PPARD: variants seen among roughly 807,000 people sequenced by gnomAD.
PPARD encodes peroxisome proliferator activated receptor delta.
In PPARD, 6 loss-of-function variants were observed where a neutral mutation model predicts 39.5. The observed-to-expected ratio is 0.15, with a 90% CI of 0.08 to 0.30. The LOEUF (loss-of-function observed/expected upper bound fraction) is 0.30. PPARD is among the 10% of genes least tolerant of loss of function. The probability of loss-of-function intolerance (pLI) is 1.00; values close to 1 mark genes in which losing one functional copy is unlikely to be tolerated. For synonymous variants in PPARD, 210 were observed against 231.3 expected, an observed-to-expected ratio of 0.91 and a Z score of 0.83; for missense variants, 397 against 596.8, an observed-to-expected ratio of 0.67 and a Z score of 3.49.
intron 3 of PPARD, among the ~76,000 whole-genome samples, chr6:35,416,392 A>C (rs1414293346): frequency 1.5e-4 from 23 of 149,162 alleles, no homozygotes; most frequent in African/African-American, 4.4e-4. Flanking sequence ...AAAAAAAAAA[A>C]AAAAAAAAAA....
chr6:35,356,993 A>G (rs1269593294), intron 2 of PPARD, among the ~76,000 whole-genome samples: 1 of 152,230 alleles, frequency 6.6e-6, no homozygotes, highest in Non-Finnish European at 1.5e-5. Context: ...ATGTCTGCAC[A>G]ACAGAGGAGA....
rs139791337 is a variant in PPARD at position 35,426,029 on chromosome 6, G to A, written c.1276G>A (p.Glu426Lys). Residue 426 changes from glutamate to lysine, a missense_variant, in exon 8 of 8, where the codon GAG becomes AAG. Physicochemically the swap from Glu to Lys is moderately conservative, Grantham distance 56. Transcript: ENST00000360694. ...GCAGCGGATCAAGAAGACCGAAACCGAGACCTCGCTGCACCCTCTGCTCCA... is the reference window on the plus strand; with the variant it reads ...GCAGCGGATCAAGAAGACCGAAACCAAGACCTCGCTGCACCCTCTGCTCCA... ...MMQRIKKTET[E>K]TSLHPLLQEI... 5.0e-6 allele frequency: 8 copies of A among 1,613,726 alleles called. No homozygotes were observed. The Admixed American group carries it at 5.0e-5, about 10-fold the overall frequency.
intron 2 of PPARD, among the ~76,000 whole-genome samples, chr6:35,356,864 C>G (rs981709854): frequency 6.6e-6 from 1 of 152,214 alleles, no homozygotes; most frequent in African/African-American, 2.4e-5. Flanking sequence ...GCATATTGTT[C>G]TTACATTAGA....
rs111927117 is a variant in PPARD at position 35,425,247 on chromosome 6, C to G, written c.1078+468C>G. 1 of 998,470 alleles carries G rather than the reference C, an allele frequency of 1.0e-6. No homozygotes were observed. Among genetic ancestry groups the G allele is most frequent in the African/African-American group, 1.7e-5 (1 of 57,380 alleles). 61.9% of individuals were successfully genotyped at this position (998,470 alleles called of 1,614,324 possible). A position where few individuals can be genotyped will look rare whatever the true frequency, so the allele number is the denominator to read the frequency against. ...CAAAATCCCACCACTGCACTCCAGCCTGGGTGACAGAGTGAGACCCTGTCT... is the reference window on the plus strand; with the variant it reads ...CAAAATCCCACCACTGCACTCCAGCGTGGGTGACAGAGTGAGACCCTGTCT... On this transcript the variant is annotated intron_variant, in intron 7 of 7. Transcript: ENST00000360694. The surrounding 1 kb of genome is among the most constrained non-coding windows in gnomAD (Gnocchi z 4.5).
At chr6:35,420,342 C>T (rs1455935742) in intron 4 of PPARD, 61 bp downstream of exon 4, 1 of 1,498,818 alleles carries the variant, frequency 6.7e-7, no homozygotes, top group African/African-American at 1.4e-5. Context: ...TGAATTGACC[C>T]TCCACAAAGC....
intron 2 of PPARD, among the ~76,000 whole-genome samples, chr6:35,399,822 GT>G (rs1764583866): frequency 1.3e-5 from 2 of 152,206 alleles, no homozygotes; most frequent in South Asian, 4.1e-4. Flanking sequence ...TTTCACTTAT[GT>G]TATTAAATAT....
intron 2 of PPARD, among the ~76,000 whole-genome samples, chr6:35,374,428 C>A (rs548999166): frequency 1.3e-5 from 2 of 151,832 alleles, no homozygotes; most frequent in Admixed American, 1.3e-4. Context: ...GAGGCCGAGG[C>A]GGGCGGATCA....
intron 4 of PPARD, 101 bp downstream of exon 4, chr6:35,420,382 G>A (rs1266959140): frequency 2.1e-6 from 3 of 1,422,818 alleles, no homozygotes; most frequent in South Asian, 2.9e-5. Flanking sequence ...GGCCCTGACT[G>A]TACCTATTGC....
intron 1 of PPARD, among the ~76,000 whole-genome samples, chr6:35,345,085 GCT>G: frequency 6.6e-6 from 1 of 152,276 alleles, no homozygotes; most frequent in Non-Finnish European, 1.5e-5. Flanking sequence ...CCTTAGTAGT[GCT>G]CTCTGCTGTG....
chr6:35,421,919 C>T lies in PPARD; in HGVS notation c.385C>T (p.Arg129Cys). ...KKNRNKCQYC[R>C]FQKCLALGMS... The stretch of plus-strand genomic sequence containing the variant: ...GAACCGCAACAAGTGCCAGTACTGC[C>T]GCTTCCAGAAGTGCCTGGCACTGGG... Residue 129 changes from arginine (R) to cysteine (C), a missense_variant, in exon 5 of 8, where the codon CGC becomes TGC. Coordinates refer to ENST00000360694, the MANE Select transcript of PPARD (RefSeq NM_006238.5). The T allele has an allele frequency of 1.9e-6, 3 of 1,613,890 alleles. No homozygotes were observed. Among genetic ancestry groups the T allele is most frequent in the Non-Finnish European group, 2.5e-6 (3 of 1,179,866 alleles).
intron 2 of PPARD, among the ~76,000 whole-genome samples, chr6:35,398,862 C>T (rs1204626223): frequency 2.6e-5 from 4 of 152,160 alleles, no homozygotes; most frequent in Admixed American, 6.5e-5. Flanking sequence ...GTCTGTAATC[C>T]CAGCACTTTG....
In PPARD at chr6:35,424,339, T is replaced by G; in HGVS notation, c.638T>G (p.Ile213Ser). 1 of 1,611,362 alleles carries G rather than the reference T, an allele frequency of 6.2e-7. No homozygotes were observed. Among genetic ancestry groups the G allele is most frequent in the Non-Finnish European group, 8.5e-7 (1 of 1,177,646 alleles). Residue 213 changes from isoleucine to serine, a missense_variant, in exon 7 of 8, where the codon ATC becomes AGC. Transcript: ENST00000360694. This position sits in a 1 kb window ranked among gnomAD's most constrained non-coding sequence, Gnocchi z 7.1. ...GGGCCTGGTTTTCAGCCCTTTGTGA[T>G]CCACGACATCGAGACATTGTGGCAG... ...GKASHTAPFV[I>S]HDIETLWQAE... is the part of the protein sequence containing the mutation.
intron 3 of PPARD, among the ~76,000 whole-genome samples, chr6:35,417,451 ATTT>A (rs1176557824): frequency 7.1e-6 from 1 of 140,034 alleles, no homozygotes; most frequent in African/African-American, 2.6e-5. Flanking sequence ...ACACCCAACT[ATTT>A]TTTTTTTTTT....
Position 35,424,062 on chromosome 6 carries a change from C to T in PPARD, c.541C>T (p.His181Tyr). Reference protein sequence around the residue: ...QVADLKAFSKHIYNAYLKNFN... With the variant: ...QVADLKAFSKYIYNAYLKNFN... ...GGCCGACCTGAAGGCCTTCTCCAAG[C>T]ACATCTACAATGCCTACCTGAAAAA... Residue 181 changes from histidine (H) to tyrosine (Y), a missense_variant, in exon 6 of 8, where the codon CAC (histidine) becomes TAC (tyrosine). His to Tyr is a moderately conservative substitution (Grantham distance 83). Transcript: ENST00000360694. The surrounding 1 kb of genome is among the most constrained non-coding windows in gnomAD (Gnocchi z 7.1). 2.5e-6 allele frequency: 4 copies of T among 1,614,162 alleles called. No homozygotes were observed. In the East Asian group the frequency reaches 6.7e-5, roughly 27 times the overall value.
rs1271399401 is a variant in PPARD at position 35,410,981 on chromosome 6, GC to G, written c.-101-3del. The G allele has an allele frequency of 7.8e-7, 1 of 1,279,746 alleles. No individual in the cohort carries two copies. The highest frequency in any genetic ancestry group is 1.0e-6 in the Non-Finnish European group (1 of 1,003,106). The allele number at this position is 1,279,746 out of a possible 1,614,324, so 79.3% of individuals were successfully genotyped here. A position where few individuals can be genotyped will look rare whatever the true frequency, so the allele number is the denominator to read the frequency against. Reference sequence around the variant, plus strand: ...CTGACCTCTTCCTGTCTTCTCCTCTGCCCAGGCTGATGGGAACCACCCTGTA... The same window carrying G: ...CTGACCTCTTCCTGTCTTCTCCTCTGCCAGGCTGATGGGAACCACCCTGTA... On this transcript the variant is annotated splice_region_variant and splice_polypyrimidine_tract_variant and intron_variant, in intron 2 of 7. Transcript: ENST00000360694.
rs577845790 is a variant in PPARD, at chr6:35,396,603, G to T, written c.-101-14384G>T. Among the ~76,000 whole-genome samples the T allele has an allele frequency of 1.6e-4, 24 of 150,862 alleles. No homozygotes were observed. In the South Asian group the frequency reaches 4.8e-3, roughly 30 times the overall value. On this transcript the variant is annotated intron_variant, in intron 2 of 7. Transcript: ENST00000360694. Reference sequence around the variant, plus strand: ...CCCAGCACTTTGGGAGGCCGAGGCGGGCAGATCATGAGGTCAGGAGACAGA... The same window carrying T: ...CCCAGCACTTTGGGAGGCCGAGGCGTGCAGATCATGAGGTCAGGAGACAGA...
intron 2 of PPARD, among the ~76,000 whole-genome samples, chr6:35,371,502 A>C (rs1055545256): frequency 2.6e-5 from 4 of 152,162 alleles, no homozygotes; most frequent in African/African-American, 9.7e-5. Context: ...AGCAGAGTCC[A>C]TCTTTGTCTC....
At chr6:35,351,314 T>C (rs939833006) in intron 2 of PPARD, among the ~76,000 whole-genome samples, 2 of 152,280 alleles carry the variant, frequency 1.3e-5, no homozygotes, top group African/African-American at 4.8e-5. Context: ...TGTGAGCCAC[T>C]GCGCCAGTCC....
chr6:35,425,267 C>A lies in PPARD; in HGVS notation c.1078+488C>A. The A allele has an allele frequency of 1.0e-6, 1 of 1,000,820 alleles. No homozygotes were observed. The highest frequency in any genetic ancestry group is 1.2e-6 in the Non-Finnish European group (1 of 837,474). 62.0% of individuals were successfully genotyped at this position (1,000,820 alleles called of 1,614,324 possible). ...CCAGCCTGGGTGACAGAGTGAGACC[C>A]TGTCTCAAAAAAAAGGAAAAGGACT... On this transcript the variant is annotated intron_variant, in intron 7 of 7. Transcript: ENST00000360694. The surrounding 1 kb of genome is among the most constrained non-coding windows in gnomAD (Gnocchi z 4.5).
Sources: allele counts gnomAD v4.1 joint callset (sites outside exome capture counted in the v4.1 genomes callset), GRCh38; gene constraint gnomAD v4.1.1; non-coding constraint Gnocchi (gnomAD v3.1); transcripts MANE v1.5; gene names NCBI Gene and HGNC (gene_info 2026-07-23, HGNC 2026-07-21).